Variants in CES5A observed in about 807,000 individuals in gnomAD.
CES5A encodes carboxylesterase 5A, also known as carboxylesterase 5.
CES5A carries 67 observed loss-of-function variants against 62.9 expected under a neutral mutation model. The observed-to-expected ratio is 1.07, with a 90% CI of 0.88 to 1.31. CES5A has a LOEUF of 1.31. Among genes scored for constraint, CES5A ranks in the 50% most tolerant of loss-of-function variants. The probability of loss-of-function intolerance (pLI) is 0.00; values close to 1 mark genes in which losing one functional copy is unlikely to be tolerated. For synonymous variants in CES5A, 296 were observed against 280.8 expected (o/e 1.05, Z -0.54); for missense variants, 748 against 708.5 (o/e 1.06, Z -0.63).
chr16:55,885,512 G>A (rs190158139), intron 1 of CES5A, among the ~76,000 whole-genome samples: 26 of 152,204 alleles, frequency 1.7e-4, no homozygotes, highest in Non-Finnish European at 1.5e-4. Context: ...AATCTGCAAA[G>A]GAGAGATAAC....
chr16:55,909,434 C>A (rs1393486141), intron 1 of CES5A, among the ~76,000 whole-genome samples: 2 of 152,120 alleles, frequency 1.3e-5, no homozygotes, highest in Admixed American at 1.3e-4. Flanking sequence ...GGAATGACTG[C>A]AGTTAGACAC....
chr16:55,869,907 T>C (rs1388855793), intron 3 of CES5A, among the ~76,000 whole-genome samples, 163 bp from the exon 4 acceptor site: 1 of 152,236 alleles, frequency 6.6e-6, no homozygotes, highest in African/African-American at 2.4e-5. Flanking sequence ...GCATGTGGGC[T>C]CTGGCACCTG....
intron 8 of CES5A, among the ~76,000 whole-genome samples, chr16:55,858,055 T>G (rs1163753957): frequency 2.4e-4 from 37 of 152,146 alleles, no homozygotes; most frequent in African/African-American, 6.5e-4. Flanking sequence ...AAAAATTAGC[T>G]GGGCATGGTG....
intron 1 of CES5A, among the ~76,000 whole-genome samples, chr16:55,899,144 G>A (rs1314110345): frequency 2.0e-5 from 3 of 152,138 alleles, no homozygotes. Flanking sequence ...TTCTGTTTAA[G>A]TGCCTGCCCT....
At chr16:55,869,441 A>T in intron 4 of CES5A, 170 bp downstream of exon 4, 1 of 1,259,356 alleles carries the variant, frequency 7.9e-7, no homozygotes, top group Non-Finnish European at 1.0e-6. Context: ...CAAGCCACCA[A>T]CATTTTGGGA....
At chr16:55,887,091 A>G (rs1157806623) in intron 1 of CES5A, among the ~76,000 whole-genome samples, 1 of 152,138 alleles carries the variant, frequency 6.6e-6, no homozygotes, top group African/African-American at 2.4e-5. Context: ...TATATGCTCT[A>G]TAATACTTGA....
At chr16:55,901,395 G>A (rs2142442122) in intron 1 of CES5A, among the ~76,000 whole-genome samples, 1 of 152,224 alleles carries the variant, frequency 6.6e-6, no homozygotes, top group African/African-American at 2.4e-5. Flanking sequence ...AGAAAGGAAG[G>A]GAAATAAAGC....
At chr16:55,872,387 A>G (rs1403718410) in intron 2 of CES5A, among the ~76,000 whole-genome samples, 1 of 152,136 alleles carries the variant, frequency 6.6e-6, no homozygotes, top group African/African-American at 2.4e-5. Flanking sequence ...CAGTTCTACC[A>G]TACCTCTTCT....
intron 1 of CES5A, among the ~76,000 whole-genome samples, chr16:55,889,535 G>A (rs1463165898): frequency 4.6e-5 from 7 of 152,182 alleles, no homozygotes; most frequent in African/African-American, 1.7e-4. Flanking sequence ...TGAAAGAGAT[G>A]CACAGAGCAA....
chr16:55,846,676 A>G lies in CES5A; in HGVS notation c.1503T>C (p.Pro501=). The G allele has an allele frequency of 6.2e-7, 1 of 1,613,878 alleles. No individual in the cohort carries two copies. Among genetic ancestry groups the G allele is most frequent in the Non-Finnish European group, 8.5e-7 (1 of 1,179,826 alleles). The part of the protein sequence containing the change: ...YWATFARTGN[P]NGNDLSLWPA... The stretch of plus-strand genomic sequence containing the variant: ...GCCACAGAGACAGGTCGTTCCCATT[A>G]GGATTCCTAGAAGGGAGAGCAGAAA... The change falls in exon 13 of 13, where the codon CCT becomes CCC. Residue 501 remains proline (P), a synonymous_variant. Transcript: ENST00000290567.
At chr16:55,899,509 T>C (rs1411573349) in intron 1 of CES5A, among the ~76,000 whole-genome samples, 6 of 152,180 alleles carry the variant, frequency 3.9e-5, no homozygotes. Flanking sequence ...TCTGGGTCTA[T>C]CTGTTTTCAA....
chr16:55,862,532 A>G (rs1475680837), intron 6 of CES5A, among the ~76,000 whole-genome samples: 37 of 152,350 alleles, frequency 2.4e-4, no homozygotes, highest in African/African-American at 7.9e-4. Flanking sequence ...ATGAATAAAT[A>G]TATGCCCAAA....
chr16:55,852,855 C>T (rs1597110549), intron 10 of CES5A, 26 bp downstream of exon 10: 1 of 1,604,032 alleles, frequency 6.2e-7, no homozygotes, highest in East Asian at 2.2e-5. Context: ...GGCTATGGTC[C>T]TGGAGCGGGA....
intron 2 of CES5A, among the ~76,000 whole-genome samples, chr16:55,945,951 C>T (rs1396686248): frequency 6.6e-6 from 1 of 152,122 alleles, no homozygotes; most frequent in African/African-American, 2.4e-5. Flanking sequence ...CCCTCCTGAG[C>T]AATTCCCCAC....
chr16:55,887,824 G>A (rs2033832468), intron 1 of CES5A, among the ~76,000 whole-genome samples: 2 of 152,170 alleles, frequency 1.3e-5, no homozygotes. Flanking sequence ...GAGAAAGTAT[G>A]AAAATATGTT....
intron 10 of CES5A, among the ~76,000 whole-genome samples, chr16:55,850,917 T>C (rs1284534316): frequency 6.6e-6 from 1 of 152,004 alleles, no homozygotes; most frequent in Non-Finnish European, 1.5e-5. Flanking sequence ...AAAAAAATTA[T>C]AGCCACCCTA....
chr16:55,938,835 T>C lies in CES5A; in HGVS notation c.160+10950A>G, dbSNP rs879978062. 2.6e-3 allele frequency among the ~76,000 whole-genome samples: 244 copies of C among 95,600 alleles called. 3 individuals are homozygous for C. Among genetic ancestry groups the C allele is most frequent in the African/African-American group, 8.6e-3 (210 of 24,498 alleles). 62.7% of individuals were successfully genotyped at this position (95,600 alleles called of 152,430 possible). On this transcript the variant is annotated intron_variant, in intron 2 of 13. Coordinates refer to the CES5A transcript ENST00000521992. The stretch of plus-strand genomic sequence containing the variant: ...ATATATACACACACATATATATATA[T>C]ACACATATATATATGTAGATATGTA...
At chr16:55,935,920 C>T (rs1488926290) in intron 2 of CES5A, among the ~76,000 whole-genome samples, 1 of 152,054 alleles carries the variant, frequency 6.6e-6, no homozygotes, top group Non-Finnish European at 1.5e-5. Context: ...AGTTAATAAA[C>T]AGGAAGCAAC....
intron 2 of CES5A, chr16:55,949,725 G>T: frequency 1.7e-6 from 1 of 605,556 alleles, no homozygotes; most frequent in Non-Finnish European, 2.6e-6. Context: ...CTGTGAGTCA[G>T]CTGTTGGCCA....
Sources: gnomAD v4.1 joint callset for allele counts (sites outside exome capture counted in the v4.1 genomes callset) on GRCh38, gnomAD v4.1.1 for gene constraint, MANE v1.5 for transcripts, NCBI Gene and HGNC (gene_info 2026-07-23, HGNC 2026-07-21) for gene names.